The following TNR variants were observed in gnomAD, a reference collection of about 807,000 sequenced individuals.
TNR encodes the protein tenascin R.
TNR carries 45 observed loss-of-function variants against 150.4 expected under a neutral mutation model. The observed-to-expected ratio is 0.30, with a 90% CI of 0.24 to 0.38. The LOEUF (loss-of-function observed/expected upper bound fraction) is 0.38, where lower values mean the gene tolerates loss of function less well. TNR is among the 10% of genes least tolerant of loss of function. The pLI is 1.00. For synonymous variants in TNR, 687 were observed against 678.4 expected, an observed-to-expected ratio of 1.01 and a Z score of -0.20; for missense variants, 1,544 against 1,759.1, an observed-to-expected ratio of 0.88 and a Z score of 2.19.
intron 1 of TNR, among the ~76,000 whole-genome samples, chr1:175,553,542 A>G (rs1364296136): frequency 6.6e-6 from 1 of 152,196 alleles, no homozygotes. Context: ...TTGGAAAATA[A>G]TGCTGTCTTT....
chr1:175,533,574 G>T lies in TNR; in HGVS notation c.-164-5205C>A, dbSNP rs191511551. Reference sequence around the variant, plus strand: ...AATAAAGTCAGGATGTGTGAGAGACGCTGAAGTTCTTTCATATCTTAATTA... The same window carrying T: ...AATAAAGTCAGGATGTGTGAGAGACTCTGAAGTTCTTTCATATCTTAATTA... On this transcript the variant is annotated intron_variant, in intron 1 of 22. Transcript: ENST00000367674. Among the ~76,000 whole-genome samples, 251 of 152,294 alleles carry T rather than the reference G, an allele frequency of 1.6e-3. 1 individual carries two copies. Among genetic ancestry groups the T allele is most frequent in the Non-Finnish European group, 2.6e-3 (175 of 68,016 alleles).
intron 1 of TNR, among the ~76,000 whole-genome samples, chr1:175,675,474 G>C (rs774318832): frequency 5.9e-5 from 9 of 152,210 alleles, no homozygotes; most frequent in Non-Finnish European, 1.0e-4. Context: ...TTGTGTGAGT[G>C]TGCAGTGTAT....
At chr1:175,590,385 C>G (rs1440419109) in intron 1 of TNR, among the ~76,000 whole-genome samples, 1 of 151,954 alleles carries the variant, frequency 6.6e-6, no homozygotes, top group East Asian at 1.9e-4. Context: ...TTTATTTTAA[C>G]TGCTGAGTTT....
intron 1 of TNR, among the ~76,000 whole-genome samples, chr1:175,702,630 T>C (rs1435537864): frequency 6.6e-6 from 1 of 152,196 alleles, no homozygotes; most frequent in Non-Finnish European, 1.5e-5. Flanking sequence ...TGTGTGTGTA[T>C]ACAGAGCAGT....
rs115611488 is a variant in TNR at position 175,681,763 on chromosome 1, A to G, written c.-165+61463T>C. Among the ~76,000 whole-genome samples, 970 of 152,278 alleles carry G rather than the reference A, an allele frequency of 6.4e-3. 12 individuals carry two copies. The highest frequency in any genetic ancestry group is 0.022 in the African/African-American group (926 of 41,554). ...AGAATCACAGATTGAGCAACTGCAG[A>G]GGGAAGGGCTGGGAGCAGGAGTGGG... On this transcript the variant is annotated intron_variant, in intron 1 of 22. Transcript: ENST00000367674.
intron 1 of TNR, among the ~76,000 whole-genome samples, chr1:175,674,480 C>T (rs1300239715): frequency 1.3e-5 from 2 of 152,206 alleles, no homozygotes; most frequent in Non-Finnish European, 2.9e-5. Context: ...TACCCTGCAG[C>T]CCATCTCACT....
At chr1:175,585,711 A>G (rs1385280040) in intron 1 of TNR, among the ~76,000 whole-genome samples, 1 of 152,192 alleles carries the variant, frequency 6.6e-6, no homozygotes, top group Non-Finnish European at 1.5e-5. Flanking sequence ...GTTCTTGAGT[A>G]TCTTCAGTTG....
At chr1:175,516,599 C>A (rs1187731145) in intron 2 of TNR, among the ~76,000 whole-genome samples, 1 of 152,168 alleles carries the variant, frequency 6.6e-6, no homozygotes, top group East Asian at 1.9e-4. Context: ...TGAACTTCTC[C>A]ACTCCCTTCT....
rs377084032 is a variant in TNR, at chr1:175,740,714, C to T, written c.-165+2512G>A. The stretch of plus-strand genomic sequence containing the variant: ...AAGTGAGTTTGTATCCAGTTTCCCA[C>T]TCCTCTTCTAGTGGTTCTATAGGTG... On this transcript the variant is annotated intron_variant, in intron 1 of 22. Coordinates refer to ENST00000367674, the MANE Select transcript of TNR (RefSeq NM_003285.3). Among the ~76,000 whole-genome samples, 20 of 152,328 alleles carry T rather than the reference C, an allele frequency of 1.3e-4. No homozygotes were observed. The East Asian group carries it at 2.5e-3, about 19-fold the overall frequency.
chr1:175,700,648 T>G (rs1165792129), intron 1 of TNR, among the ~76,000 whole-genome samples: 1 of 152,076 alleles, frequency 6.6e-6, no homozygotes, highest in Non-Finnish European at 1.5e-5. Flanking sequence ...GAGCACTGGG[T>G]CTGCAGGAGC....
chr1:175,558,200 C>A (rs1356582646), intron 1 of TNR, among the ~76,000 whole-genome samples: 1 of 143,618 alleles, frequency 7.0e-6, no homozygotes, highest in Non-Finnish European at 1.5e-5. Context: ...TGCAGCGCAC[C>A]AGCATGGCAC....
intron 13 of TNR, among the ~76,000 whole-genome samples, chr1:175,363,372 G>A (rs1334627246): frequency 2.0e-5 from 3 of 152,190 alleles, no homozygotes; most frequent in Admixed American, 2.0e-4. Context: ...TCCTAGTCTT[G>A]AACTTCATTC....
intron 1 of TNR, among the ~76,000 whole-genome samples, chr1:175,641,238 AC>A (rs1664648042): frequency 6.9e-6 from 1 of 145,830 alleles, no homozygotes; most frequent in Non-Finnish European, 1.5e-5. Context: ...AAGTGGCCAA[AC>A]AAACATTTAA....
At chr1:175,726,651 C>T (rs1041170937) in intron 1 of TNR, among the ~76,000 whole-genome samples, 1 of 152,150 alleles carries the variant, frequency 6.6e-6, no homozygotes, top group Non-Finnish European at 1.5e-5. Context: ...AATGCCTAGG[C>T]AAGATCTGCA....
intron 1 of TNR, among the ~76,000 whole-genome samples, chr1:175,724,173 A>AGACTG (rs1667415931): frequency 6.6e-6 from 1 of 152,194 alleles, no homozygotes; most frequent in African/African-American, 2.4e-5. Flanking sequence ...GAAACACCTG[A>AGACTG]GACTGGGTAA....
chr1:175,379,503 G>T lies in TNR; in HGVS notation c.1963+49C>A, dbSNP rs370848548. On this transcript the variant is annotated intron_variant, in intron 9 of 22. Transcript: ENST00000367674. ...TGTAGGTTGGGGAGACAGCTGTGAG[G>T]GTATAGACTCAGCAACCAGCATAAC... 8.4e-6 allele frequency: 13 copies of T among 1,551,412 alleles called. No individual in the cohort carries two copies. The Admixed American group carries it at 1.0e-4, about 12-fold the overall frequency.
At chr1:175,419,569 C>T (rs1363146909) in intron 2 of TNR, among the ~76,000 whole-genome samples, 4 of 152,064 alleles carry the variant, frequency 2.6e-5, no homozygotes, top group Non-Finnish European at 4.4e-5. Flanking sequence ...GCAACCTCCG[C>T]CTCCCGGGTT....
chr1:175,667,200 G>T (rs1665555176), intron 1 of TNR, among the ~76,000 whole-genome samples: 1 of 152,116 alleles, frequency 6.6e-6, no homozygotes, highest in Admixed American at 6.5e-5. Context: ...GCCAGGCCTT[G>T]TCTCTCCATC....
intron 2 of TNR, among the ~76,000 whole-genome samples, chr1:175,518,670 C>A (rs995869428): frequency 6.6e-6 from 1 of 152,160 alleles, no homozygotes; most frequent in Non-Finnish European, 1.5e-5. Context: ...TTTTTCCCCC[C>A]ATTCTGTAGT....
Sources: gnomAD v4.1 joint callset for allele counts (sites outside exome capture counted in the v4.1 genomes callset) on GRCh38, gnomAD v4.1.1 for gene constraint, MANE v1.5 for transcripts, NCBI Gene and HGNC (gene_info 2026-07-23, HGNC 2026-07-21) for gene names.